Variants in LAMA3 observed in about 807,000 individuals in gnomAD.
The protein encoded by LAMA3 is laminin subunit alpha 3, also known as laminin subunit alpha-3.
Under a neutral mutation model 402.0 loss-of-function variants are expected in LAMA3, and 281 were observed. The ratio of observed to expected loss-of-function variants is 0.70; its 90% CI spans 0.63 to 0.77. The LOEUF is 0.77. Among genes scored for constraint, LAMA3 ranks in the 30% least tolerant of loss-of-function variants. The pLI is 0.00. For synonymous variants in LAMA3, 1,431 were observed against 1,558.4 expected (o/e 0.92, Z 1.93); for missense variants, 3,840 against 4,215.5 (o/e 0.91, Z 2.47).
chr18:23,939,092 G>T, intron 67 of LAMA3, 131 bp from the exon 68 acceptor site: 1 of 948,754 alleles, frequency 1.1e-6, no homozygotes, highest in Non-Finnish European at 1.7e-6. Context: ...CCATCTCCAT[G>T]GTACCAGGCC....
chr18:23,699,091 G>A (rs570749583), intron 1 of LAMA3, among the ~76,000 whole-genome samples: 3 of 152,068 alleles, frequency 2.0e-5, no homozygotes, highest in African/African-American at 7.2e-5. Flanking sequence ...TGATGTTGGT[G>A]CAGAAACCTG....
chr18:23,863,042 C>G (rs774593127), intron 35 of LAMA3, among the ~76,000 whole-genome samples: 10 of 151,390 alleles, frequency 6.6e-5, no homozygotes, highest in African/African-American at 9.7e-5. Context: ...AGAGAGAGAG[C>G]TAGCTCAAGA....
intron 55 of LAMA3, among the ~76,000 whole-genome samples, chr18:23,910,695 A>G (rs1274891801): frequency 1.3e-5 from 2 of 152,172 alleles, no homozygotes; most frequent in Admixed American, 1.3e-4. Context: ...GTTTATAATC[A>G]CACACAAAGA....
chr18:23,786,730 A>C (rs1168406670), intron 12 of LAMA3, among the ~76,000 whole-genome samples: 2 of 152,276 alleles, frequency 1.3e-5, no homozygotes, highest in Non-Finnish European at 2.9e-5. Context: ...AGAAGACTAA[A>C]GGAAATCATG....
At chr18:23,862,511 A>C (rs1377686874) in intron 35 of LAMA3, among the ~76,000 whole-genome samples, 1 of 152,178 alleles carries the variant, frequency 6.6e-6, no homozygotes, top group Non-Finnish European at 1.5e-5. Flanking sequence ...GAAGACTAAA[A>C]TAATAGGGCC....
rs774868912 is a variant in LAMA3 at position 23,901,161 on chromosome 18, C to T, written c.6039C>T (p.His2013=). 1 of 1,614,168 alleles carries T rather than the reference C, an allele frequency of 6.2e-7. No individual in the cohort carries two copies. The highest frequency in any genetic ancestry group is 1.1e-5 in the South Asian group (1 of 91,082). ...GGATAAGGACCTGGCAGAAAACCCACCAGGGGGAGAACAATGGGCTTGCTA... is the reference window on the plus strand; with the variant it reads ...GGATAAGGACCTGGCAGAAAACCCATCAGGGGGAGAACAATGGGCTTGCTA... ...LNRIRTWQKT[H]QGENNGLANS... is the part of the protein sequence containing the mutation. Residue 2013 remains histidine, a synonymous_variant, in exon 48 of 75, where the codon CAC becomes CAT. Transcript: ENST00000313654.
intron 20 of LAMA3, 108 bp downstream of exon 20, chr18:23,822,483 T>C: frequency 8.2e-7 from 1 of 1,214,686 alleles, no homozygotes; most frequent in Middle Eastern, 1.9e-4. Context: ...ATGTCAAGCC[T>C]GGCTCATGGT....
rs145069215 is a variant in LAMA3, at chr18:23,912,728, G to T, written c.7176G>T (p.Arg2392Ser). ...CCTCACAGGTTGCTGTCCCCATGAG[G>T]TTCAATGGTAAATCTGGAGTCGAAG... Reference protein sequence around the residue: ...DAASKVAVPMRFNGKSGVEVR... With the variant: ...DAASKVAVPMSFNGKSGVEVR... The change falls in exon 56 of 75, where the codon AGG becomes AGT. Residue 2392 changes from arginine (R) to serine (S), a missense_variant. Arg to Ser is a moderately radical substitution (Grantham distance 110). Around this residue, in one of 3 missense-constraint regions of LAMA3, gnomAD observed 891 missense variants for 857.5 expected, o/e 1.04. Coordinates refer to ENST00000313654, the MANE Select transcript of LAMA3 (RefSeq NM_198129.4). 10 of 1,614,076 alleles carry T rather than the reference G, an allele frequency of 6.2e-6. No individual in the cohort carries two copies. Among genetic ancestry groups the T allele is most frequent in the Non-Finnish European group, 8.5e-6 (10 of 1,179,952 alleles).
intron 2 of LAMA3, among the ~76,000 whole-genome samples, chr18:23,720,607 G>C (rs1431133548): frequency 6.6e-6 from 1 of 152,122 alleles, no homozygotes; most frequent in Non-Finnish European, 1.5e-5. Context: ...ACCCACCTCA[G>C]CCTCCCAAAG....
chr18:23,903,403 G>A (rs765721661), intron 49 of LAMA3, among the ~76,000 whole-genome samples: 15 of 152,122 alleles, frequency 9.9e-5, no homozygotes, highest in African/African-American at 2.7e-4. Flanking sequence ...AAAATATCAA[G>A]CATACAAGCA....
In LAMA3 at chr18:23,689,817, T is replaced by C. The variant is rs1190640738; in HGVS notation, c.134T>C (p.Leu45Pro). The change falls in exon 1 of 75, where the codon CTC (leucine) becomes CCC (proline). Residue 45 changes from leucine to proline, a missense_variant. Coordinates refer to ENST00000313654, the MANE Select transcript of LAMA3 (RefSeq NM_198129.4). ...TARDPGAAAG[L>P]SLHPTYFNLA... ...CGGGATCCCGGGGCCGCGGCCGGGC[T>C]CAGCCTTCACCCGACTTACTTCAAC... The C allele has an allele frequency of 2.6e-6, 4 of 1,544,536 alleles. No individual in the cohort carries two copies. Among genetic ancestry groups the C allele is most frequent in the Non-Finnish European group, 3.5e-6 (4 of 1,145,376 alleles).
rs778772994 is a variant in LAMA3 at position 23,882,030 on chromosome 18, G to C, written c.5207G>C (p.Cys1736Ser). ...AVHGSCRACP[C>S]PHTNSFATGC... ...CACGGATCCTGCAGGGCCTGCCCATGTCCTCACACTAACAGGTACCGTAGC... is the reference window on the plus strand; with the variant it reads ...CACGGATCCTGCAGGGCCTGCCCATCTCCTCACACTAACAGGTACCGTAGC... Residue 1736 changes from cysteine (C) to serine (S), a missense_variant, in exon 40 of 75, where the codon TGT (cysteine) becomes TCT (serine). Coordinates refer to ENST00000313654, the MANE Select transcript of LAMA3 (RefSeq NM_198129.4). 6.2e-7 allele frequency: 1 copy of C among 1,612,822 alleles called. No homozygotes were observed. The highest frequency in any genetic ancestry group is 1.1e-5 in the South Asian group (1 of 91,038).
chr18:23,730,087 C>T (rs936842789), intron 2 of LAMA3, among the ~76,000 whole-genome samples: 1 of 152,084 alleles, frequency 6.6e-6, no homozygotes, highest in African/African-American at 2.4e-5. Context: ...CGAAATAAAA[C>T]AAAAATGTAT....
chr18:23,750,432 G>GTTTTTTTTTTT (rs66582854), intron 4 of LAMA3, among the ~76,000 whole-genome samples: 1 of 33,008 alleles, frequency 3.0e-5, no homozygotes, highest in Non-Finnish European at 5.0e-5. Context: ...GGTTTACACA[G>GTTTTTTTTTTT]TTTTTTTTTT....
At chr18:23,789,405 T>C (rs948420395) in intron 12 of LAMA3, among the ~76,000 whole-genome samples, 2 of 152,122 alleles carry the variant, frequency 1.3e-5, no homozygotes, top group African/African-American at 4.8e-5. Context: ...ATAGCCAAAA[T>C]GGGGAAACAA....
intron 2 of LAMA3, among the ~76,000 whole-genome samples, chr18:23,724,468 C>T (rs1391251497): frequency 1.3e-5 from 2 of 152,110 alleles, no homozygotes; most frequent in Non-Finnish European, 2.9e-5. Context: ...TGATGCCCTC[C>T]ATGCCCTATC....
chr18:23,861,837 C>T (rs756597123), intron 35 of LAMA3, 30 bp downstream of exon 35: 8 of 1,592,696 alleles, frequency 5.0e-6, no homozygotes, highest in African/African-American at 4.0e-5. Flanking sequence ...CTTCTGGGCC[C>T]TCAGTGGGCC....
chr18:23,743,801 C>A (rs1376980194), intron 2 of LAMA3, among the ~76,000 whole-genome samples: 2 of 152,180 alleles, frequency 1.3e-5, no homozygotes, highest in African/African-American at 2.4e-5. Flanking sequence ...AACTCAGTCC[C>A]TCTCCATCAT....
At chr18:23,925,298 G>C (rs896073177) in intron 62 of LAMA3, among the ~76,000 whole-genome samples, 3 of 152,194 alleles carry the variant, frequency 2.0e-5, no homozygotes, top group African/African-American at 7.2e-5. Context: ...TGGGAATGGG[G>C]ACCCAGATCT....
Sources: gnomAD v4.1 joint callset for allele counts (sites outside exome capture counted in the v4.1 genomes callset) on GRCh38, gnomAD v4.1.1 for gene constraint, gnomAD v4.1.1 regional missense constraint, MANE v1.5 for transcripts, NCBI Gene and HGNC (gene_info 2026-07-23, HGNC 2026-07-21) for gene names.